Variants in WDFY3 observed in about 807,000 individuals in gnomAD.
WDFY3 encodes WD repeat and FYVE domain containing 3, also known as WD repeat and FYVE domain-containing protein 3.
In WDFY3, 66 loss-of-function variants were observed where a neutral mutation model predicts 409.6. The observed-to-expected ratio is 0.16, with a 90% CI of 0.13 to 0.20. WDFY3 has a LOEUF of 0.20. Among genes scored for constraint, WDFY3 ranks in the 10% least tolerant of loss-of-function variants. The pLI is 1.00. For missense variants in WDFY3, 3,031 were observed against 4,298.1 expected (o/e 0.71, Z 8.24); for synonymous variants, 1,521 against 1,537.1 (o/e 0.99, Z 0.25).
chr4:84,680,147 C>T (rs576373743), intron 64 of WDFY3, among the ~76,000 whole-genome samples: 4 of 152,022 alleles, frequency 2.6e-5, no homozygotes, highest in African/African-American at 9.7e-5. Flanking sequence ...CTTTGGCATC[C>T]GAAGGTGCTA....
chr4:84,925,480 GAAGAGAGAAAGAAA>G (rs1479268644), intron 2 of WDFY3, among the ~76,000 whole-genome samples: 1 of 152,076 alleles, frequency 6.6e-6, no homozygotes, highest in Non-Finnish European at 1.5e-5. Context: ...AAAAAGAAAG[GAAGAGAGAAAGAAA>G]AAGAGAGGAA....
chr4:84,939,748 C>T lies in WDFY3; in HGVS notation c.-225-7385G>A, dbSNP rs1281283080. Among the ~76,000 whole-genome samples, 3 of 151,900 alleles carry T rather than the reference C, an allele frequency of 2.0e-5. No individual in the cohort carries two copies. In the East Asian group the frequency reaches 5.8e-4, roughly 29 times the overall value. On this transcript the variant is annotated intron_variant, in intron 1 of 67. Coordinates refer to ENST00000295888, the MANE Select transcript of WDFY3 (RefSeq NM_014991.6). ...TAAAAAAAAAAAGTTTCTATTTTCT[C>T]GCATTGAAAAATAATCCAGGCTCAC...
At chr4:84,827,035 A>C (rs1754966947) in intron 9 of WDFY3, 54 bp from the exon 10 acceptor site, 8 of 1,556,394 alleles carry the variant, frequency 5.1e-6, no homozygotes, top group Non-Finnish European at 5.2e-6. Flanking sequence ...GTGTTCTCAG[A>C]TTTAACACAA....
At chr4:84,698,445 T>C (rs138810509) in intron 56 of WDFY3, among the ~76,000 whole-genome samples, 2,491 of 151,802 alleles carry the variant, frequency 0.016, 29 homozygotes, top group Non-Finnish European at 0.026. Flanking sequence ...TGGCTAATTA[T>C]TTTATTTTGA....
intron 1 of WDFY3, among the ~76,000 whole-genome samples, chr4:84,963,184 G>A (rs542577105): frequency 6.6e-6 from 1 of 151,868 alleles, no homozygotes; most frequent in African/African-American, 2.4e-5. Context: ...AGCATTTTGG[G>A]AGACAGAGGC....
chr4:84,729,798 GA>G (rs762041682), intron 44 of WDFY3, among the ~76,000 whole-genome samples: 5 of 152,034 alleles, frequency 3.3e-5, no homozygotes, highest in Non-Finnish European at 7.4e-5. Flanking sequence ...ACAAAAAAAG[GA>G]AATGTTACTG....
chr4:84,709,816 T>A (rs953885233), intron 51 of WDFY3, among the ~76,000 whole-genome samples: 1 of 152,196 alleles, frequency 6.6e-6, no homozygotes, highest in Non-Finnish European at 1.5e-5. Context: ...AGCCTCTACC[T>A]CCTGGGTTCT....
intron 5 of WDFY3, chr4:84,844,591 C>T (rs759138957): frequency 7.8e-6 from 9 of 1,148,318 alleles, no homozygotes; most frequent in African/African-American, 1.6e-5. Context: ...CTGGGGTCAA[C>T]ATCATCCAGT....
At chr4:84,886,599 T>C (rs1037308586) in intron 3 of WDFY3, 2 of 152,068 alleles carry the variant, frequency 1.3e-5, no homozygotes, top group East Asian at 1.9e-4. Context: ...ATAAATTTCA[T>C]CTGCTTAGCA....
chr4:84,960,668 G>C (rs371761548), intron 1 of WDFY3, among the ~76,000 whole-genome samples: 1 of 151,916 alleles, frequency 6.6e-6, no homozygotes, highest in Non-Finnish European at 1.5e-5. Flanking sequence ...AAAAAAGAAG[G>C]GGTCTCACTA....
chr4:84,815,078 T>A (rs1457256550), intron 13 of WDFY3, among the ~76,000 whole-genome samples: 3 of 152,142 alleles, frequency 2.0e-5, no homozygotes, highest in Non-Finnish European at 4.4e-5. Flanking sequence ...AGTTAAGAAC[T>A]CAGCAGGTAG....
At chr4:84,948,763 C>T (rs1474532859) in intron 1 of WDFY3, among the ~76,000 whole-genome samples, 4 of 152,190 alleles carry the variant, frequency 2.6e-5, no homozygotes. Context: ...GGTCCCTAGT[C>T]TGATCCCTTC....
chr4:84,798,241 C>T (rs934517726), intron 17 of WDFY3, 133 bp from the exon 18 acceptor site: 7 of 685,154 alleles, frequency 1.0e-5, no homozygotes, highest in African/African-American at 9.0e-5. Flanking sequence ...TATAATAAAA[C>T]AATATAGTGT....
chr4:84,758,747 A>C (rs1429670182), intron 32 of WDFY3, among the ~76,000 whole-genome samples: 1 of 152,182 alleles, frequency 6.6e-6, no homozygotes, highest in African/African-American at 2.4e-5. Context: ...TAGCAATTTA[A>C]AAAACTCTTT....
intron 38 of WDFY3, among the ~76,000 whole-genome samples, 182 bp from the exon 39 acceptor site, chr4:84,740,598 A>G (rs145362973): frequency 2.3e-4 from 35 of 152,282 alleles, no homozygotes; most frequent in Admixed American, 1.9e-3. Flanking sequence ...AGACACATCA[A>G]TATCATCTAA....
chr4:84,947,862 G>C (rs1773101140), intron 1 of WDFY3, among the ~76,000 whole-genome samples: 1 of 151,982 alleles, frequency 6.6e-6, no homozygotes, highest in Admixed American at 6.6e-5. Context: ...CTCCAGCCTA[G>C]ATGAAAGAGT....
chr4:84,682,065 G>A (rs568969395), intron 64 of WDFY3, among the ~76,000 whole-genome samples: 28 of 152,300 alleles, frequency 1.8e-4, no homozygotes, highest in South Asian at 6.2e-4. Context: ...ACAACAGCAC[G>A]CCCTCTAGGT....
In WDFY3 at chr4:84,741,877, C is replaced by T. The variant is rs1315448274; in HGVS notation, c.6118G>A (p.Val2040Ile). ...LPITSGGSYQ[V>I]LVNNVFYFTQ... ...AAATAAAACACATTGTTCACCAATA[C>T]CTGGTAGCTTCCTCCACTGGTAATA... is the stretch of plus-strand genomic sequence containing the variant. The change falls in exon 38 of 68, where the codon GTA (valine) becomes ATA (isoleucine). Residue 2040 changes from valine (V) to isoleucine (I), a missense_variant. Val to Ile is a conservative substitution (Grantham distance 29). Transcript: ENST00000295888. 6.2e-7 allele frequency: 1 copy of T among 1,610,746 alleles called. No individual in the cohort carries two copies. Among genetic ancestry groups the T allele is most frequent in the Admixed American group, 1.7e-5 (1 of 59,936 alleles).
intron 3 of WDFY3, among the ~76,000 whole-genome samples, chr4:84,890,380 G>A (rs970150587): frequency 2.6e-5 from 4 of 152,196 alleles, no homozygotes; most frequent in African/African-American, 9.7e-5. Flanking sequence ...GATTACAGGT[G>A]TGAGCCACCA....
Sources: allele counts gnomAD v4.1 joint callset (sites outside exome capture counted in the v4.1 genomes callset), GRCh38; gene constraint gnomAD v4.1.1; transcripts MANE v1.5; gene names NCBI Gene and HGNC (gene_info 2026-07-23, HGNC 2026-07-21).